Variants in FOXP2 observed in about 807,000 individuals in gnomAD.
FOXP2 encodes the protein forkhead box protein P2.
Under a neutral mutation model 115.8 loss-of-function variants are expected in FOXP2, and 12 were observed. The ratio of observed to expected loss-of-function variants is 0.10; its 90% CI spans 0.07 to 0.17. The LOEUF is 0.17. Ranked by LOEUF, FOXP2 falls within the 10% of genes least tolerant of loss-of-function variation. The probability of loss-of-function intolerance (pLI) is 1.00; values close to 1 mark genes in which losing one functional copy is unlikely to be tolerated. For synonymous variants in FOXP2, 328 were observed against 297.7 expected (o/e 1.10, Z -1.05); for missense variants, 629 against 843.5 (o/e 0.75, Z 3.15).
intron 2 of FOXP2, among the ~76,000 whole-genome samples, chr7:114,346,190 T>A (rs762636399): frequency 1.8e-4 from 28 of 151,812 alleles, no homozygotes; most frequent in Non-Finnish European, 3.8e-4. Context: ...AATCAACTAA[T>A]TCACATGTAT....
intron 5 of FOXP2, 81 bp downstream of exon 5, chr7:114,630,086 T>C (rs1804819414): frequency 1.9e-6 from 3 of 1,598,820 alleles, no homozygotes; most frequent in Admixed American, 3.3e-5. Flanking sequence ...TCTTAGATCT[T>C]CCTATAACAA....
At chr7:114,113,618 C>A (rs1791330150) in intron 1 of FOXP2, among the ~76,000 whole-genome samples, 2 of 152,106 alleles carry the variant, frequency 1.3e-5, no homozygotes, top group Non-Finnish European at 2.9e-5. Flanking sequence ...ATCCTCCTGC[C>A]TCAGCCTCCT....
At chr7:114,239,144 C>A (rs1206028980) in intron 1 of FOXP2, among the ~76,000 whole-genome samples, 2 of 151,654 alleles carry the variant, frequency 1.3e-5, no homozygotes, top group East Asian at 3.9e-4. Flanking sequence ...CTTACAATCA[C>A]AAATGAGACA....
At chr7:114,139,382 C>T (rs1214957647) in intron 1 of FOXP2, among the ~76,000 whole-genome samples, 1 of 151,940 alleles carries the variant, frequency 6.6e-6, no homozygotes, top group East Asian at 1.9e-4. Flanking sequence ...AACTTCTGCC[C>T]AGATCTATAG....
chr7:114,580,706 C>A (rs1018135198), intron 3 of FOXP2, among the ~76,000 whole-genome samples: 4 of 152,052 alleles, frequency 2.6e-5, no homozygotes, highest in Middle Eastern at 3.2e-3. Flanking sequence ...AATTTTATAC[C>A]TGGTTATCTG....
upstream of FOXP2, among the ~76,000 whole-genome samples, chr7:114,412,712 A>G (rs546652530): frequency 2.6e-5 from 4 of 152,270 alleles, no homozygotes; most frequent in East Asian, 7.7e-4. Flanking sequence ...ACTGTTGCCT[A>G]CAGAGATGGG....
chr7:114,383,160 A>G (rs1161417911), intron 2 of FOXP2, among the ~76,000 whole-genome samples: 1 of 152,314 alleles, frequency 6.6e-6, no homozygotes, highest in African/African-American at 2.4e-5. Flanking sequence ...CAGTGATATT[A>G]TATCTCTCCA....
intron 1 of FOXP2, among the ~76,000 whole-genome samples, chr7:114,184,519 T>C (rs1389953747): frequency 1.3e-5 from 2 of 152,128 alleles, no homozygotes; most frequent in Non-Finnish European, 2.9e-5. Context: ...TTTTAGTCAT[T>C]ATGATTGTCA....
At chr7:114,352,034 G>A (rs969655197) in intron 2 of FOXP2, among the ~76,000 whole-genome samples, 9 of 151,946 alleles carry the variant, frequency 5.9e-5, no homozygotes, top group Non-Finnish European at 1.2e-4. Flanking sequence ...TTGGGAGGCC[G>A]AGTCAGATGG....
At chr7:114,557,166 G>A (rs1397797971) in intron 3 of FOXP2, among the ~76,000 whole-genome samples, 1 of 152,146 alleles carries the variant, frequency 6.6e-6, no homozygotes, top group African/African-American at 2.4e-5. Flanking sequence ...AGTCAAGGTG[G>A]AAAATCTAAG....
chr7:114,681,537 C>G, intron 16 of FOXP2, among the ~76,000 whole-genome samples: 1 of 152,026 alleles, frequency 6.6e-6, no homozygotes, highest in East Asian at 1.9e-4. Flanking sequence ...AATGATGAGG[C>G]CTGTGATGGA....
At chr7:114,177,637 G>T (rs1176176581) in intron 1 of FOXP2, among the ~76,000 whole-genome samples, 1 of 151,910 alleles carries the variant, frequency 6.6e-6, no homozygotes. Flanking sequence ...TGGGATGTAT[G>T]AGTTTTAGAC....
intron 3 of FOXP2, among the ~76,000 whole-genome samples, chr7:114,555,091 T>A (rs1474668132): frequency 6.6e-6 from 1 of 152,248 alleles, no homozygotes; most frequent in Non-Finnish European, 1.5e-5. Context: ...TTTTTAATAC[T>A]TTTTTCTCTA....
At chr7:114,344,635 T>G (rs1259775018) in intron 2 of FOXP2, among the ~76,000 whole-genome samples, 1 of 151,888 alleles carries the variant, frequency 6.6e-6, no homozygotes, top group Non-Finnish European at 1.5e-5. Context: ...GTAGACATAT[T>G]TTCTTAAGAG....
chr7:114,284,468 C>T (rs1365060329), intron 1 of FOXP2, among the ~76,000 whole-genome samples: 1 of 152,090 alleles, frequency 6.6e-6, no homozygotes, highest in Non-Finnish European at 1.5e-5. Context: ...TTCAAATTAT[C>T]TTATTTTCTT....
rs73438592 is a variant in FOXP2, at chr7:114,593,242, A to G, written c.259-35298A>G. On this transcript the variant is annotated intron_variant, in intron 3 of 16. Coordinates refer to ENST00000350908, the MANE Select transcript of FOXP2 (RefSeq NM_014491.4). The stretch of plus-strand genomic sequence containing the variant: ...GTAGAAAGTATAGATAAGCAAAAAG[A>G]AAAAAAAATCACTCTATTCCACCAC... Among the ~76,000 whole-genome samples, 1,029 of 134,190 alleles carry G rather than the reference A, an allele frequency of 7.7e-3. 8 individuals are homozygous for G. Among genetic ancestry groups the G allele is most frequent in the African/African-American group, 0.038 (981 of 25,988 alleles). The allele number at this position is 134,190 out of a possible 152,430, so 88.0% of individuals were successfully genotyped here.
intron 1 of FOXP2, among the ~76,000 whole-genome samples, chr7:114,090,269 G>A (rs1263968402): frequency 6.6e-6 from 1 of 151,860 alleles, no homozygotes; most frequent in Non-Finnish European, 1.5e-5. Flanking sequence ...TAAGTCAGTT[G>A]AATTCAGAAA....
chr7:114,289,373 T>C (rs1796539629), intron 2 of FOXP2, among the ~76,000 whole-genome samples: 1 of 151,944 alleles, frequency 6.6e-6, no homozygotes, highest in South Asian at 2.1e-4. Context: ...TGTGATTTTA[T>C]AGCTAGTAAT....
intron 2 of FOXP2, among the ~76,000 whole-genome samples, chr7:114,356,268 G>A (rs533261597): frequency 9.2e-5 from 14 of 152,088 alleles, no homozygotes; most frequent in Non-Finnish European, 1.8e-4. Context: ...CATATACTTC[G>A]CATATTGTTA....
Sources: gnomAD v4.1 joint callset for allele counts (sites outside exome capture counted in the v4.1 genomes callset) on GRCh38, gnomAD v4.1.1 for gene constraint, MANE v1.5 for transcripts, NCBI Gene and HGNC (gene_info 2026-07-23, HGNC 2026-07-21) for gene names.